Variants in GOLPH3 observed in about 807,000 individuals in gnomAD.
GOLPH3 encodes the protein golgi phosphoprotein 3.
GOLPH3 carries 14 observed loss-of-function variants against 28.5 expected under a neutral mutation model. That is an observed-to-expected ratio of 0.49 (90% CI 0.32 to 0.77). The LOEUF is 0.77. Among genes scored for constraint, GOLPH3 ranks in the 30% least tolerant of loss-of-function variants. The probability of loss-of-function intolerance (pLI) is 0.03; values close to 1 mark genes in which losing one functional copy is unlikely to be tolerated. For synonymous variants in GOLPH3, 158 were observed against 159.2 expected, an observed-to-expected ratio of 0.99 and a Z score of 0.06; for missense variants, 350 against 393.7, an observed-to-expected ratio of 0.89 and a Z score of 0.94.
At chr5:32,128,264 TA>T (rs1162335446) in intron 3 of GOLPH3, among the ~76,000 whole-genome samples, 7 of 152,132 alleles carry the variant, frequency 4.6e-5, no homozygotes, top group Non-Finnish European at 8.8e-5. Context: ...AAAGCCTCAC[TA>T]AAAACCAGGA....
At chr5:32,173,328 C>G (rs1241702533) in intron 1 of GOLPH3, among the ~76,000 whole-genome samples, 1 of 151,584 alleles carries the variant, frequency 6.6e-6, no homozygotes, top group Admixed American at 6.6e-5. Context: ...CAACAGTAAG[C>G]TTTAACTGAA....
chr5:32,140,826 G>GA (rs1746044203), intron 2 of GOLPH3, among the ~76,000 whole-genome samples: 1 of 145,680 alleles, frequency 6.9e-6, no homozygotes, highest in Non-Finnish European at 1.5e-5. Context: ...AAAAGGAAAA[G>GA]AAAATCAGAA....
intron 1 of GOLPH3, among the ~76,000 whole-genome samples, chr5:32,146,361 G>C (rs1356293343): frequency 1.3e-5 from 2 of 152,066 alleles, no homozygotes; most frequent in Non-Finnish European, 2.9e-5. Flanking sequence ...TATGACTGTA[G>C]TCATAATTAG....
chr5:32,127,962 A>C (rs157492), intron 3 of GOLPH3, among the ~76,000 whole-genome samples: 26,841 of 151,660 alleles, frequency 0.18, 5,263 homozygotes, highest in African/African-American at 0.49. Context: ...GGCAGGAAGA[A>C]CCCAAGCAGA....
Position 32,125,053 on chromosome 5 carries a change from T to A in GOLPH3, c.*1159A>T, listed in dbSNP as rs1745645668. Reference sequence around the variant, plus strand: ...GACAATGCTAATTATCCTAATTGTATATAAAAAATTAAAACATAGAGCTTT... The same window carrying A: ...GACAATGCTAATTATCCTAATTGTAAATAAAAAATTAAAACATAGAGCTTT... On this transcript the variant is annotated 3_prime_UTR_variant, in exon 4 of 4. Coordinates refer to ENST00000265070, the MANE Select transcript of GOLPH3 (RefSeq NM_022130.4). 6.6e-6 allele frequency: 1 copy of A among 152,664 alleles called. No individual in the cohort carries two copies. The highest frequency in any genetic ancestry group is 6.5e-5 in the Admixed American group (1 of 15,280). The allele number at this position is 152,664 out of a possible 1,614,324, so 9.5% of individuals were successfully genotyped here.
At position 32,173,939 on chromosome 5, in the gene GOLPH3, GCCGCCGC is replaced by G. The variant is rs940855014; in HGVS notation, c.89_95del (p.Gly30AlafsTer29). 4 of 1,469,890 alleles carry G rather than the reference GCCGCCGC, an allele frequency of 2.7e-6. No individual in the cohort carries two copies. The highest frequency in any genetic ancestry group is 3.6e-6 in the Non-Finnish European group (4 of 1,116,316). The allele number at this position is 1,469,890 out of a possible 1,614,324, so 91.1% of individuals were successfully genotyped here. A position where few individuals can be genotyped will look rare whatever the true frequency, so the allele number is the denominator to read the frequency against. Reference sequence around the variant, plus strand: ...GCGCGTCGTCCTCGCTGCTGCCGGCGCCGCCGCCCGCCGCCCGCTCCTTGTCGGCGGC... The same window carrying G: ...GCGCGTCGTCCTCGCTGCTGCCGGCGCCGCCGCCCGCTCCTTGTCGGCGGC... On this transcript the variant is annotated frameshift_variant, in exon 1 of 4. Coordinates refer to ENST00000265070, the MANE Select transcript of GOLPH3 (RefSeq NM_022130.4). LOFTEE classifies it high-confidence loss of function.
chr5:32,131,770 G>GAGA (rs1554047735), intron 3 of GOLPH3, among the ~76,000 whole-genome samples: 1 of 152,204 alleles, frequency 6.6e-6, no homozygotes, highest in Non-Finnish European at 1.5e-5. Context: ...CACTTTGGTG[G>GAGA]AGAATGACAT....
intron 1 of GOLPH3, among the ~76,000 whole-genome samples, chr5:32,160,493 A>G (rs903053114): frequency 2.6e-5 from 4 of 152,260 alleles, no homozygotes; most frequent in African/African-American, 9.6e-5. Flanking sequence ...ATGAAAAGGA[A>G]GAAATAATAA....
Position 32,125,972 on chromosome 5 carries a change from T to C in GOLPH3, c.*240A>G, listed in dbSNP as rs778415283. 26 of 445,796 alleles carry C rather than the reference T, an allele frequency of 5.8e-5. No individual in the cohort carries two copies. Among genetic ancestry groups the C allele is most frequent in the Admixed American group, 2.4e-4 (6 of 24,972 alleles). The allele number at this position is 445,796 out of a possible 1,614,324, so 27.6% of individuals were successfully genotyped here. A position where few individuals can be genotyped will look rare whatever the true frequency, so the allele number is the denominator to read the frequency against. On this transcript the variant is annotated 3_prime_UTR_variant, in exon 4 of 4. Coordinates refer to ENST00000265070, the MANE Select transcript of GOLPH3 (RefSeq NM_022130.4). ...AACCCAAAACAGGTAACAGTGAGGA[T>C]GGCAACAGGGAATGGAATGCCAATA...
intron 1 of GOLPH3, among the ~76,000 whole-genome samples, chr5:32,151,080 C>T (rs1169671463): frequency 1.3e-5 from 2 of 152,070 alleles, no homozygotes; most frequent in South Asian, 4.1e-4. Context: ...AAAAACTTCC[C>T]AGCTATTCTC....
chr5:32,149,732 C>G (rs1746263667), intron 1 of GOLPH3, among the ~76,000 whole-genome samples: 2 of 152,196 alleles, frequency 1.3e-5, no homozygotes, highest in South Asian at 4.1e-4. Context: ...CACTGTGGCT[C>G]ACGCCTGTAA....
chr5:32,130,467 C>T (rs906033753), intron 3 of GOLPH3, among the ~76,000 whole-genome samples: 5 of 152,170 alleles, frequency 3.3e-5, no homozygotes, highest in African/African-American at 7.2e-5. Context: ...GTATCACTGA[C>T]TTAATATGTT....
chr5:32,129,707 T>C (rs1745781658), intron 3 of GOLPH3, among the ~76,000 whole-genome samples: 2 of 152,116 alleles, frequency 1.3e-5, no homozygotes, highest in South Asian at 4.1e-4. Flanking sequence ...AATCTCGAAA[T>C]CCAGCAGGAT....
chr5:32,136,665 A>G (rs1745939098), intron 2 of GOLPH3, among the ~76,000 whole-genome samples: 1 of 152,222 alleles, frequency 6.6e-6, no homozygotes, highest in Non-Finnish European at 1.5e-5. Flanking sequence ...AACGTCCCTA[A>G]TCCGAAAATC....
At position 32,173,818 on chromosome 5, in the gene GOLPH3, C is replaced by T; in HGVS notation, c.217G>A (p.Asp73Asn). Residue 73 changes from aspartate to asparagine, a missense_variant, in exon 1 of 4, where the codon GAC becomes AAC. Asp to Asn is a conservative substitution (Grantham distance 23). Coordinates refer to ENST00000265070, the MANE Select transcript of GOLPH3 (RefSeq NM_022130.4). ...MEEVLLLGLK[D>N]REGYTSFWND... ...GCCCGCCGCGCCCGCACCTCGCGGT[C>T]CTTGAGGCCCAGCAGGAGCACTTCC... 6.8e-7 allele frequency: 1 copy of T among 1,471,810 alleles called. No homozygotes were observed. The highest frequency in any genetic ancestry group is 2.1e-5 in the Admixed American group (1 of 46,584). 91.2% of individuals were successfully genotyped at this position (1,471,810 alleles called of 1,614,324 possible).
rs1248288982 is a variant in GOLPH3 at position 32,161,426 on chromosome 5, GA to G, written c.225+12383del. Among the ~76,000 whole-genome samples the G allele has an allele frequency of 8.6e-3, 687 of 79,628 alleles. 7 individuals are homozygous for G. Among genetic ancestry groups the G allele is most frequent in the African/African-American group, 0.02 (399 of 20,370 alleles). The allele number at this position is 79,628 out of a possible 152,430, so 52.2% of individuals were successfully genotyped here. A position where few individuals can be genotyped will look rare whatever the true frequency, so the allele number is the denominator to read the frequency against. On this transcript the variant is annotated intron_variant, in intron 1 of 3. Coordinates refer to ENST00000265070, the MANE Select transcript of GOLPH3 (RefSeq NM_022130.4). ...TCAAAAAAAAAAAACCAAAGCTGAG[GA>G]AAAAAAAAAAAAAAACCAAAGCTGA...
At chr5:32,149,822 C>A (rs967937972) in intron 1 of GOLPH3, among the ~76,000 whole-genome samples, 4 of 152,098 alleles carry the variant, frequency 2.6e-5, no homozygotes, top group Admixed American at 2.6e-4. Context: ...GGCGGCAAAA[C>A]CCCATCTCTA....
intron 3 of GOLPH3, among the ~76,000 whole-genome samples, chr5:32,132,607 T>G (rs1745846109): frequency 6.6e-6 from 1 of 152,240 alleles, no homozygotes; most frequent in African/African-American, 2.4e-5. Context: ...GAGAGCACAT[T>G]TTAAATTTCA....
intron 2 of GOLPH3, among the ~76,000 whole-genome samples, chr5:32,142,918 C>T (rs1188931645): frequency 2.6e-5 from 4 of 152,078 alleles, no homozygotes; most frequent in Admixed American, 1.3e-4. Flanking sequence ...TGAGGAGCCC[C>T]TCTGCCCGGC....
Sources: gnomAD v4.1 joint callset for allele counts (sites outside exome capture counted in the v4.1 genomes callset) on GRCh38, gnomAD v4.1.1 for gene constraint, MANE v1.5 for transcripts, NCBI Gene and HGNC (gene_info 2026-07-23, HGNC 2026-07-21) for gene names.